The following KBTBD4 variants were observed in gnomAD, a reference collection of about 807,000 sequenced individuals.
The protein encoded by KBTBD4 is kelch repeat and BTB domain-containing protein 4.
A neutral mutation model predicts 43.9 loss-of-function variants in KBTBD4; 30 were observed. That is an observed-to-expected ratio of 0.68 (90% CI 0.51 to 0.93). The LOEUF (loss-of-function observed/expected upper bound fraction) is 0.93. KBTBD4 is among the 40% of genes least tolerant of loss of function. KBTBD4 has a pLI of 0.00. For synonymous variants in KBTBD4, 258 were observed against 256.9 expected, an observed-to-expected ratio of 1.00 and a Z score of -0.04; for missense variants, 575 against 668.8, an observed-to-expected ratio of 0.86 and a Z score of 1.55.
intron 3 of KBTBD4, among the ~76,000 whole-genome samples, chr11:47,575,373 G>A (rs2097257138): frequency 6.6e-6 from 1 of 151,822 alleles, no homozygotes; most frequent in African/African-American, 2.4e-5. Flanking sequence ...CGGGCGTGGT[G>A]GTGGGCACCT....
intron 1 of KBTBD4, chr11:47,578,573 T>C (rs1238638805): frequency 1.4e-6 from 1 of 704,016 alleles, no homozygotes; most frequent in South Asian, 1.5e-5. Context: ...TCCCCCACAC[T>C]TCCCCGCTCG....
At chr11:47,575,362 C>T (rs971777144) in intron 3 of KBTBD4, among the ~76,000 whole-genome samples, 11 of 151,466 alleles carry the variant, frequency 7.3e-5, no homozygotes, top group African/African-American at 2.4e-4. Context: ...CAAAAATTAG[C>T]CGGGCGTGGT....
chr11:47,576,768 C>T (rs1366049814), intron 2 of KBTBD4, among the ~76,000 whole-genome samples: 3 of 151,572 alleles, frequency 2.0e-5, no homozygotes, highest in Non-Finnish European at 2.9e-5. Context: ...CCTCTGCCTC[C>T]GGGTTCAAGT....
intron 2 of KBTBD4, among the ~76,000 whole-genome samples, chr11:47,576,851 A>AT (rs1347235703): frequency 6.6e-6 from 1 of 151,742 alleles, no homozygotes; most frequent in Non-Finnish European, 1.5e-5. Flanking sequence ...TAATTTTTGT[A>AT]TTTTTTGTGG....
At chr11:47,576,500 G>T (rs2097259817) in intron 2 of KBTBD4, 1 of 151,992 alleles carries the variant, frequency 6.6e-6, no homozygotes. Flanking sequence ...CCCTCAAAAA[G>T]TTGGGTAAAG....
In KBTBD4 at chr11:47,575,833, A is replaced by G. The variant is rs924307088; in HGVS notation, c.638-134T>C. 24 of 524,224 alleles carry G rather than the reference A, an allele frequency of 4.6e-5. No homozygotes were observed. In the South Asian group the frequency reaches 5.0e-4, roughly 11 times the overall value. The allele number at this position is 524,224 out of a possible 1,614,324, so 32.5% of individuals were successfully genotyped here. The stretch of plus-strand genomic sequence containing the variant: ...TATATGTGTACATGCATACATACAC[A>G]TATACATGAAATTAACCTAAAATTG... On this transcript the variant is annotated intron_variant, in intron 2 of 3. Transcript: ENST00000430070.
chr11:47,572,979 G>A lies in KBTBD4; in HGVS notation c.1556C>T (p.Thr519Ile), dbSNP rs1451160652. 1 of 1,614,074 alleles carries A rather than the reference G, an allele frequency of 6.2e-7. No homozygotes were observed. Among genetic ancestry groups the A allele is most frequent in the Non-Finnish European group, 8.5e-7 (1 of 1,180,044 alleles). Reference protein sequence around the residue: ...LDPATSAVTVTRGIKVLLTNL... With the variant: ...LDPATSAVTVIRGIKVLLTNL... ...GGTAAGCAGCACCTTAATACCTCTT[G>A]TGACAGTTACGGCTGAAGTGGCAGG... Residue 519 changes from threonine (T) to isoleucine (I), a missense_variant, in exon 4 of 4, where the codon ACA (threonine) becomes ATA (isoleucine). Thr to Ile is a moderately conservative substitution (Grantham distance 89). Coordinates refer to ENST00000430070, the MANE Select transcript of KBTBD4 (RefSeq NM_018095.6).
rs762440267 is a variant in KBTBD4 at position 47,575,584 on chromosome 11, T to G, written c.744+9A>C. 1.3e-6 allele frequency: 2 copies of G among 1,565,170 alleles called. No homozygotes were observed. The highest frequency in any genetic ancestry group is 1.7e-5 in the Admixed American group (1 of 59,656). On this transcript the variant is annotated intron_variant, in intron 3 of 3. Coordinates refer to ENST00000430070, the MANE Select transcript of KBTBD4 (RefSeq NM_018095.6). The stretch of plus-strand genomic sequence containing the variant: ...TATGCAGTCTCAACAATTAAGAGAT[T>G]TGCCTTACCTTCAAGCTTGTCCTGA...
chr11:47,578,259 G>C (rs898805684), intron 1 of KBTBD4: 7 of 589,942 alleles, frequency 1.2e-5, no homozygotes, highest in Non-Finnish European at 2.1e-5. Flanking sequence ...TTCCAACTCT[G>C]GGTGTTTTCC....
At chr11:47,576,935 C>T (rs1306747246) in intron 2 of KBTBD4, among the ~76,000 whole-genome samples, 1 of 152,148 alleles carries the variant, frequency 6.6e-6, no homozygotes, top group Non-Finnish European at 1.5e-5. Context: ...CCTCGGCCTC[C>T]CAAAGTGTTG....
At chr11:47,577,366 C>T (rs1255643621) in intron 2 of KBTBD4, 45 bp downstream of exon 2, 1 of 1,538,440 alleles carries the variant, frequency 6.5e-7, no homozygotes, top group Non-Finnish European at 8.8e-7. Flanking sequence ...CACTGAACAT[C>T]ATAGCCAAGT....
Position 47,573,749 on chromosome 11 carries a change from CTCTT to C in KBTBD4, c.782_785del (p.Lys261SerfsTer22). The C allele has an allele frequency of 6.3e-7, 1 of 1,585,364 alleles. No individual in the cohort carries two copies. Reference sequence around the variant, plus strand: ...CAGCCAACGAGTGGGTACGAGATGACTCTTTCCCAATCAGGTAAATGTGCACATT... The same window carrying C: ...CAGCCAACGAGTGGGTACGAGATGACTCCCAATCAGGTAAATGTGCACATT... On this transcript the variant is annotated frameshift_variant, in exon 4 of 4. Transcript: ENST00000430070. LOFTEE classifies it high-confidence loss of function. This position sits in a 1 kb window ranked among gnomAD's most constrained non-coding sequence, Gnocchi z 4.1.
chr11:47,573,099 G>A lies in KBTBD4; in HGVS notation c.1436C>T (p.Ala479Val), dbSNP rs760881188. The A allele has an allele frequency of 1.2e-6, 2 of 1,614,192 alleles. No homozygotes were observed. The highest frequency in any genetic ancestry group is 1.7e-5 in the Admixed American group (1 of 60,028). The change falls in exon 4 of 4, where the codon GCC becomes GTC. Residue 479 changes from alanine to valine, a missense_variant. Transcript: ENST00000430070. The surrounding 1 kb of genome is among the most constrained non-coding windows in gnomAD (Gnocchi z 4.1). ...GCTGGCAATCTTCCAGAGGGATGGG[G>A]CAGAGCTCCAGGCCTCAGGAAGGCA... ...RLCLPEAWSS[A>V]PSLWKIASCN...
intron 2 of KBTBD4, chr11:47,576,478 G>A (rs1598795011): frequency 6.6e-6 from 1 of 151,178 alleles, no homozygotes; most frequent in Non-Finnish European, 1.5e-5. Context: ...ATAGTCTCAT[G>A]TGTTACATGA....
intron 2 of KBTBD4, among the ~76,000 whole-genome samples, chr11:47,576,831 C>G (rs1488004048): frequency 1.3e-5 from 2 of 152,130 alleles, no homozygotes; most frequent in African/African-American, 4.8e-5. Context: ...TGCAAGCCAC[C>G]ATGCCCAGCT....
rs146789563 is a variant in KBTBD4, at chr11:47,573,761, C to T, written c.774G>A (p.Leu258=). 1,214 of 1,579,194 alleles carry T rather than the reference C, an allele frequency of 7.7e-4. 1 individual carries two copies. The highest frequency in any genetic ancestry group is 9.7e-4 in the Non-Finnish European group (1,129 of 1,163,600). The change falls in exon 4 of 4, where the codon CTG becomes CTA. Residue 258 remains leucine, a synonymous_variant. Coordinates refer to ENST00000430070, the MANE Select transcript of KBTBD4 (RefSeq NM_018095.6). The surrounding 1 kb of genome is among the most constrained non-coding windows in gnomAD (Gnocchi z 4.1). ...KEIGENVHIY[L]IGKESSRTHS... is the part of the protein sequence containing the mutation. ...GGGTACGAGATGACTCTTTCCCAAT[C>T]AGGTAAATGTGCACATTCTCCCCAA...
chr11:47,578,171 G>T, intron 1 of KBTBD4, 143 bp from the exon 2 acceptor site: 1 of 818,094 alleles, frequency 1.2e-6, no homozygotes, highest in Non-Finnish European at 1.9e-6. Flanking sequence ...TGTCCATGAT[G>T]TCCCTGACGC....
At position 47,577,734 on chromosome 11, in the gene KBTBD4, T is replaced by G; in HGVS notation, c.314A>C (p.Gln105Pro). 1.9e-6 allele frequency: 3 copies of G among 1,614,198 alleles called. No homozygotes were observed. The highest frequency in any genetic ancestry group is 2.5e-6 in the Non-Finnish European group (3 of 1,180,024). The change falls in exon 2 of 4, where the codon CAG becomes CCG. Residue 105 changes from glutamine to proline, a missense_variant. Coordinates refer to ENST00000430070, the MANE Select transcript of KBTBD4 (RefSeq NM_018095.6). The stretch of plus-strand genomic sequence containing the variant: ...CTGGAAAACAGACTCGCTGACATCC[T>G]GCAGCACAATCACCCGGTTGTGGGC... ...KEAHNRVIVL[Q>P]DVSESVFQLL... is the part of the protein sequence containing the mutation.
chr11:47,576,539 C>A (rs912750164), intron 2 of KBTBD4: 2 of 152,036 alleles, frequency 1.3e-5, no homozygotes, highest in African/African-American at 4.8e-5. Context: ...CCATGGAAAT[C>A]TTTAGTAAAA....
Sources: gnomAD v4.1 joint callset for allele counts (sites outside exome capture counted in the v4.1 genomes callset) on GRCh38, gnomAD v4.1.1 for gene constraint, Gnocchi (gnomAD v3.1) non-coding constraint, MANE v1.5 for transcripts, NCBI Gene and HGNC (gene_info 2026-07-23, HGNC 2026-07-21) for gene names.